Variants in NUBPL observed in about 807,000 individuals in gnomAD.
NUBPL encodes NUBP iron-sulfur cluster assembly factor, mitochondrial.
NUBPL carries 31 observed loss-of-function variants against 45.7 expected under a neutral mutation model. That is an observed-to-expected ratio of 0.68 (90% CI 0.51 to 0.92). The LOEUF is 0.92. NUBPL is among the 40% of genes least tolerant of loss of function. The pLI, the probability that NUBPL is intolerant of heterozygous loss-of-function variation, is 0.00. For missense variants in NUBPL, 401 were observed against 398.7 expected (o/e 1.01, Z -0.05); for synonymous variants, 144 against 140.9 (o/e 1.02, Z -0.15).
intron 7 of NUBPL, among the ~76,000 whole-genome samples, chr14:31,815,252 C>T (rs756703422): frequency 6.6e-6 from 1 of 152,060 alleles, no homozygotes; most frequent in Non-Finnish European, 1.5e-5. Context: ...AGAGGTCCTT[C>T]ACATCCCTTG....
At chr14:31,623,349 T>G (rs1288926188) in intron 4 of NUBPL, among the ~76,000 whole-genome samples, 1 of 152,156 alleles carries the variant, frequency 6.6e-6, no homozygotes, top group East Asian at 1.9e-4. Flanking sequence ...GACTTCTGAG[T>G]TAATGCTGGA....
At chr14:31,656,618 G>A (rs2036146825) in intron 4 of NUBPL, among the ~76,000 whole-genome samples, 1 of 152,150 alleles carries the variant, frequency 6.6e-6, no homozygotes, top group African/African-American at 2.4e-5. Flanking sequence ...GGTCAGTCGA[G>A]CAGTCAGAAC....
chr14:31,822,050 C>T (rs1225145838), intron 7 of NUBPL, among the ~76,000 whole-genome samples: 2 of 151,272 alleles, frequency 1.3e-5, no homozygotes, highest in South Asian at 2.1e-4. Context: ...GTAGTGGGGT[C>T]GGGAGGAGAT....
chr14:31,717,720 C>G (rs1205714708), intron 6 of NUBPL, among the ~76,000 whole-genome samples: 5 of 152,000 alleles, frequency 3.3e-5, no homozygotes, highest in Non-Finnish European at 7.4e-5. Context: ...TCCAGGCAAG[C>G]TGACATTGCC....
chr14:31,767,505 G>A (rs189563640), intron 6 of NUBPL, among the ~76,000 whole-genome samples: 32 of 152,224 alleles, frequency 2.1e-4, no homozygotes, highest in African/African-American at 7.0e-4. Context: ...GAGCCACCAC[G>A]CCTGGCTTAT....
At chr14:31,704,867 G>A (rs570125904) in intron 6 of NUBPL, among the ~76,000 whole-genome samples, 9 of 152,264 alleles carry the variant, frequency 5.9e-5, no homozygotes, top group Middle Eastern at 3.4e-3. Flanking sequence ...CAAGAATGAA[G>A]CCGCGGACCC....
chr14:31,638,970 C>G (rs1040974756), intron 4 of NUBPL, among the ~76,000 whole-genome samples: 7 of 152,124 alleles, frequency 4.6e-5, no homozygotes, highest in Admixed American at 1.3e-4. Context: ...ATTGGTTATT[C>G]TAGTTATACA....
chr14:31,800,066 C>A (rs1323068632), intron 7 of NUBPL, among the ~76,000 whole-genome samples: 1 of 152,152 alleles, frequency 6.6e-6, no homozygotes, highest in Non-Finnish European at 1.5e-5. Flanking sequence ...AAACCACTTT[C>A]TTTGCTAATT....
intron 4 of NUBPL, among the ~76,000 whole-genome samples, chr14:31,607,456 G>A (rs570857255): frequency 2.0e-5 from 3 of 151,012 alleles, no homozygotes; most frequent in African/African-American, 7.3e-5. Context: ...ATTCAAAATA[G>A]CTGTGTGAGG....
chr14:31,810,695 G>A (rs1012464539), intron 7 of NUBPL, among the ~76,000 whole-genome samples: 5 of 152,166 alleles, frequency 3.3e-5, no homozygotes, highest in African/African-American at 1.2e-4. Flanking sequence ...ATTAGTTGAT[G>A]CAGTTTCTTC....
chr14:31,742,868 A>T (rs2038316318), intron 6 of NUBPL, among the ~76,000 whole-genome samples: 1 of 151,236 alleles, frequency 6.6e-6, no homozygotes, highest in South Asian at 2.1e-4. Context: ...CAGCCTCCCG[A>T]AGTGCTGGGA....
chr14:31,588,374 C>T (rs2034048804), intron 3 of NUBPL, among the ~76,000 whole-genome samples: 1 of 152,002 alleles, frequency 6.6e-6, no homozygotes, highest in Non-Finnish European at 1.5e-5. Context: ...ATTTGCAGTG[C>T]TCTATAATCT....
intron 6 of NUBPL, among the ~76,000 whole-genome samples, chr14:31,705,256 A>G (rs1324278235): frequency 1.3e-5 from 2 of 152,242 alleles, no homozygotes; most frequent in East Asian, 3.8e-4. Flanking sequence ...TGAGTGTTAC[A>G]GCTCATAAAG....
At chr14:31,805,793 T>G (rs989586460) in intron 7 of NUBPL, among the ~76,000 whole-genome samples, 1 of 150,646 alleles carries the variant, frequency 6.6e-6, no homozygotes, top group Non-Finnish European at 1.5e-5. Flanking sequence ...TGAAAAAAAG[T>G]AACTATTGGG....
chr14:31,588,423 T>C (rs1478032724), intron 3 of NUBPL, among the ~76,000 whole-genome samples: 1 of 152,098 alleles, frequency 6.6e-6, no homozygotes, highest in African/African-American at 2.4e-5. Context: ...CTCTCTTTTT[T>C]TTTTGGTCTT....
intron 4 of NUBPL, among the ~76,000 whole-genome samples, chr14:31,610,608 C>CAAAAAAAA (rs775656176): frequency 7.9e-4 from 75 of 94,648 alleles, no homozygotes; most frequent in African/African-American, 1.1e-3. Context: ...AAAGATACAT[C>CAAAAAAAA]AAAAAAAAAA....
intron 9 of NUBPL, 81 bp from the exon 10 acceptor site, chr14:31,850,038 T>A: frequency 9.6e-7 from 1 of 1,045,660 alleles, no homozygotes; most frequent in Non-Finnish European, 1.5e-6. Flanking sequence ...ATTTTGTTTC[T>A]TTCCATAGTT....
At chr14:31,840,254 C>A (rs1289443578) in intron 8 of NUBPL, among the ~76,000 whole-genome samples, 2 of 152,092 alleles carry the variant, frequency 1.3e-5, no homozygotes, top group East Asian at 3.9e-4. Flanking sequence ...TAGACACAGA[C>A]AATGGAATAC....
At chr14:31,703,965 T>C (rs747874927) in intron 6 of NUBPL, among the ~76,000 whole-genome samples, 1 of 152,238 alleles carries the variant, frequency 6.6e-6, no homozygotes. Flanking sequence ...AGCCACCACC[T>C]GACATTCCTA....
Sources: allele counts gnomAD v4.1 joint callset (sites outside exome capture counted in the v4.1 genomes callset), GRCh38; gene constraint gnomAD v4.1.1; transcripts MANE v1.5; gene names NCBI Gene and HGNC (gene_info 2026-07-23, HGNC 2026-07-21).